ABCB4: variants seen among roughly 807,000 people sequenced by gnomAD.
ABCB4 encodes ATP binding cassette subfamily B member 4, also known as phosphatidylcholine translocator ABCB4.
In ABCB4, 76 loss-of-function variants were observed where a neutral mutation model predicts 145.7. That is an observed-to-expected ratio of 0.52 (90% CI 0.43 to 0.63). The LOEUF (loss-of-function observed/expected upper bound fraction) is 0.63, where lower values mean the gene tolerates loss of function less well. Among genes scored for constraint, ABCB4 ranks in the 30% least tolerant of loss-of-function variants. ABCB4 has a pLI of 0.00. For synonymous variants in ABCB4, 517 were observed against 566.8 expected, an observed-to-expected ratio of 0.91 and a Z score of 1.25; for missense variants, 1,234 against 1,553.1, an observed-to-expected ratio of 0.79 and a Z score of 3.45.
intron 12 of ABCB4, among the ~76,000 whole-genome samples, chr7:87,441,582 T>C (rs1472152203): frequency 1.4e-5 from 2 of 147,200 alleles, no homozygotes; most frequent in Non-Finnish European, 1.5e-5. Flanking sequence ...TTTTTGTCCT[T>C]TTTTTTTTTT....
intron 15 of ABCB4, among the ~76,000 whole-genome samples, chr7:87,427,216 T>C (rs1466889843): frequency 6.6e-6 from 1 of 151,976 alleles, no homozygotes; most frequent in East Asian, 1.9e-4. Context: ...TTACTTAATA[T>C]GCAATAATCC....
At chr7:87,398,012 C>T (rs1163701355), downstream of ABCB4, among the ~76,000 whole-genome samples, 2 of 151,818 alleles carry the variant, frequency 1.3e-5, no homozygotes. Flanking sequence ...AGGAGTATCT[C>T]GAGAAAGATG....
the ABCB4 span, chr7:87,381,857 C>G: frequency 7.9e-7 from 1 of 1,261,482 alleles, no homozygotes; most frequent in East Asian, 2.3e-5. Context: ...AATATTGGGT[C>G]AAGTTTTAAG....
the ABCB4 span, chr7:87,369,417 C>G: frequency 5.6e-6 from 9 of 1,612,798 alleles, no homozygotes; most frequent in Non-Finnish European, 6.8e-6. Flanking sequence ...AGTGCTGTGT[C>G]GAGGCCGAGC....
chr7:87,454,565 G>A lies in ABCB4; in HGVS notation c.314C>T (p.Pro105Leu). Reference sequence around the variant, plus strand: ...CATTTCTTCTTCCAGAATTTTGCCTGGATTTAGCAGCGACAAGGAAAAGTT... The same window carrying A: ...CATTTCTTCTTCCAGAATTTTGCCTAGATTTAGCAGCGACAAGGAAAAGTT... ...PVNFSLSLLNPGKILEEEMTR... is the reference protein window; with the variant it reads ...PVNFSLSLLNLGKILEEEMTR... Residue 105 changes from proline to leucine, a missense_variant, in exon 5 of 28, where the codon CCA becomes CTA. Physicochemically the swap from Pro to Leu is moderately conservative, Grantham distance 98. Coordinates refer to ENST00000649586, the MANE Select transcript of ABCB4 (RefSeq NM_000443.4). 1.2e-6 allele frequency: 2 copies of A among 1,611,252 alleles called. No homozygotes were observed. Among genetic ancestry groups the A allele is most frequent in the South Asian group, 1.1e-5 (1 of 90,448 alleles).
intron 12 of ABCB4, among the ~76,000 whole-genome samples, chr7:87,441,379 G>A (rs1393692077): frequency 2.6e-5 from 4 of 151,680 alleles, no homozygotes; most frequent in Non-Finnish European, 2.9e-5. Flanking sequence ...TGAGGTGATA[G>A]CTTATATCTG....
chr7:87,464,925 C>G (rs557288648), intron 3 of ABCB4, among the ~76,000 whole-genome samples: 1 of 152,296 alleles, frequency 6.6e-6, no homozygotes, highest in African/African-American at 2.4e-5. Flanking sequence ...AGGAACAGCT[C>G]CAGTCAACAG....
At chr7:87,419,814 CA>C (rs1274551920) in intron 19 of ABCB4, among the ~76,000 whole-genome samples, 183 bp downstream of exon 19, 5 of 136,362 alleles carry the variant, frequency 3.7e-5, no homozygotes, top group Non-Finnish European at 6.3e-5. Context: ...AAAAAAAAAA[CA>C]AAAAAAACAT....
At chr7:87,463,274 C>G (rs1357969950) in intron 3 of ABCB4, among the ~76,000 whole-genome samples, 1 of 147,480 alleles carries the variant, frequency 6.8e-6, no homozygotes, top group African/African-American at 2.6e-5. Context: ...CACACACACA[C>G]ACCACATCCT....
At chr7:87,405,437 T>TC (rs1808113746) in intron 26 of ABCB4, among the ~76,000 whole-genome samples, 1 of 150,106 alleles carries the variant, frequency 6.7e-6, no homozygotes, top group Non-Finnish European at 1.5e-5. Context: ...CTTTTTTTTT[T>TC]TTTTTTTGAG....
chr7:87,439,898 C>A, intron 13 of ABCB4, 61 bp from the exon 14 acceptor site: 1 of 1,599,598 alleles, frequency 6.3e-7, no homozygotes, highest in South Asian at 1.1e-5. Context: ...GCTAGGAATT[C>A]TATAGAACTA....
Position 87,417,437 on chromosome 7 carries a change from C to T in ABCB4, c.2557G>A (p.Gly853Ser), listed in dbSNP as rs140590844. The change falls in exon 21 of 28, where the codon GGT (glycine) becomes AGT (serine). Residue 853 changes from glycine to serine, a missense_variant. Gly to Ser is a moderately conservative substitution (Grantham distance 56). Transcript: ENST00000649586. ...GTGIIISFIY[G>S]WQLTLLLLAV... ...AATAGCAATAGGGTTAACTGCCAACCGTAGATAAATGATATGATAATACCA... is the reference window on the plus strand; with the variant it reads ...AATAGCAATAGGGTTAACTGCCAACTGTAGATAAATGATATGATAATACCA... 11 of 1,614,058 alleles carry T rather than the reference C, an allele frequency of 6.8e-6. No homozygotes were observed. The East Asian group carries it at 1.1e-4, about 16-fold the overall frequency.
intron 3 of ABCB4, among the ~76,000 whole-genome samples, chr7:87,468,562 C>A (rs1308223616): frequency 1.3e-5 from 2 of 152,168 alleles, no homozygotes; most frequent in East Asian, 1.9e-4. Flanking sequence ...GATACCAAAG[C>A]CTGGCAGAGT....
At chr7:87,433,372 T>C (rs560199999) in intron 14 of ABCB4, among the ~76,000 whole-genome samples, 2 of 152,314 alleles carry the variant, frequency 1.3e-5, no homozygotes, top group South Asian at 4.1e-4. Context: ...TTTACTTATA[T>C]GGAAGCTGGG....
intron 12 of ABCB4, among the ~76,000 whole-genome samples, chr7:87,440,772 C>T (rs1241535815): frequency 1.3e-5 from 2 of 151,948 alleles, no homozygotes; most frequent in African/African-American, 2.4e-5. Context: ...AATGGAGTCT[C>T]GCTCTGTCGC....
downstream of ABCB4, among the ~76,000 whole-genome samples, chr7:87,397,732 G>T (rs1048611245): frequency 1.3e-5 from 2 of 152,158 alleles, no homozygotes; most frequent in Non-Finnish European, 2.9e-5. Context: ...ATTATATACT[G>T]GGCTAGAGCA....
chr7:87,385,601 G>GTAT, the ABCB4 span, among the ~76,000 whole-genome samples: 2 of 152,056 alleles, frequency 1.3e-5, no homozygotes, highest in Non-Finnish European at 2.9e-5. Flanking sequence ...GGTGTCTTAA[G>GTAT]TATTAGATCA....
chr7:87,373,312 G>A, the ABCB4 span, among the ~76,000 whole-genome samples: 10 of 151,774 alleles, frequency 6.6e-5, no homozygotes, highest in African/African-American at 1.5e-4. Flanking sequence ...AATTGTAATC[G>A]TTCTTTAGAT....
At chr7:87,398,000 T>C (rs187221876), downstream of ABCB4, among the ~76,000 whole-genome samples, 36 of 152,302 alleles carry the variant, frequency 2.4e-4, no homozygotes, top group African/African-American at 6.5e-4. Flanking sequence ...GGATTTCTTA[T>C]TAGGAGTATC....
Sources: gnomAD v4.1 joint callset for allele counts (sites outside exome capture counted in the v4.1 genomes callset) on GRCh38, gnomAD v4.1.1 for gene constraint, MANE v1.5 for transcripts, NCBI Gene and HGNC (gene_info 2026-07-23, HGNC 2026-07-21) for gene names.